The following FLG2 variants were observed in gnomAD, a reference collection of about 807,000 sequenced individuals.
The protein encoded by FLG2 is filaggrin 2.
In FLG2, 7 loss-of-function variants were observed where a neutral mutation model predicts 3.9. That is an observed-to-expected ratio of 1.79 (90% CI 1.02 to 3.36). FLG2 has a LOEUF of 3.36. FLG2 is among the 30% of genes most tolerant of loss of function. The pLI is 0.00. For synonymous variants in FLG2, 1,031 were observed against 1,056.1 expected (o/e 0.98, Z 0.46); for missense variants, 2,700 against 2,809.4 (o/e 0.96, Z 0.88).
In FLG2 at chr1:152,358,809, C is replaced by T. The variant is rs956549083; in HGVS notation, c.76G>A (p.Gly26Ser). 1 of 1,614,042 alleles carries T rather than the reference C, an allele frequency of 6.2e-7. No homozygotes were observed. Among genetic ancestry groups the T allele is most frequent in the Non-Finnish European group, 8.5e-7 (1 of 1,179,922 alleles). Reference sequence around the variant, plus strand: ...TTTAGTTCACCCTTGCTCAGTGTGCCACACTCCCCATCTTGCTTGGTGTAT... The same window carrying T: ...TTTAGTTCACCCTTGCTCAGTGTGCTACACTCCCCATCTTGCTTGGTGTAT... ...YKYTKQDGECGTLSKGELKEL... is the reference protein window; with the variant it reads ...YKYTKQDGECSTLSKGELKEL... Residue 26 changes from glycine (G) to serine (S), a missense_variant, in exon 2 of 3, where the codon GGC (glycine) becomes AGC (serine). Gly to Ser is a moderately conservative substitution (Grantham distance 56). Coordinates refer to ENST00000388718, the MANE Select transcript of FLG2 (RefSeq NM_001014342.3).
chr1:152,355,370 C>A lies in FLG2; in HGVS notation c.2416G>T (p.Gly806Cys), dbSNP rs1654170542. The A allele has an allele frequency of 1.2e-6, 2 of 1,606,516 alleles. No individual in the cohort carries two copies. The highest frequency in any genetic ancestry group is 1.7e-6 in the Non-Finnish European group (2 of 1,178,112). ...QHGSGSSQST[G>C]FGQYGSGSGQ... Reference sequence around the variant, plus strand: ...GAGCCTGATCCATATTGGCCAAAGCCAGTGGATTGACTTGAGCCTGACCCA... The same window carrying A: ...GAGCCTGATCCATATTGGCCAAAGCAAGTGGATTGACTTGAGCCTGACCCA... The change falls in exon 3 of 3, where the codon GGC becomes TGC. Residue 806 changes from glycine (G) to cysteine (C), a missense_variant. Gly to Cys is a radical substitution (Grantham distance 159, BLOSUM62 -3). Coordinates refer to ENST00000388718, the MANE Select transcript of FLG2 (RefSeq NM_001014342.3).
chr1:152,357,640 T>C lies in FLG2; in HGVS notation c.146A>G (p.Asp49Gly). ...GATGACATCCACTGTGTCTGGATCA[T>C]CTGGGTTCTGTATATGAGTGACACA... ...KELHPVLKNP[D>G]DPDTVDVIMH... is the part of the protein sequence containing the mutation. The change falls in exon 3 of 3, where the codon GAT (aspartate) becomes GGT (glycine). Residue 49 changes from aspartate to glycine, a missense_variant. By Grantham distance (94) the Asp-to-Gly change is moderately conservative. Coordinates refer to ENST00000388718, the MANE Select transcript of FLG2 (RefSeq NM_001014342.3). The C allele has an allele frequency of 6.2e-7, 1 of 1,611,210 alleles. No homozygotes were observed. The highest frequency in any genetic ancestry group is 1.1e-5 in the South Asian group (1 of 90,500).
chr1:152,353,782 G>A lies in FLG2; in HGVS notation c.4004C>T (p.Thr1335Ile). The A allele has an allele frequency of 1.2e-6, 2 of 1,613,536 alleles. No individual in the cohort carries two copies. Among genetic ancestry groups the A allele is most frequent in the East Asian group, 2.2e-5 (1 of 44,824 alleles). Reference protein sequence around the residue: ...GHSGHGQSTQTGSRTSGRQRF... With the variant: ...GHSGHGQSTQIGSRTSGRQRF... ...CTGTCTTCCAGATGTTCTGGAACCT[G>A]TCTGTGTAGACTGTCCATGACCAGA... The change falls in exon 3 of 3, where the codon ACA becomes ATA. Residue 1335 changes from threonine to isoleucine, a missense_variant. Thr to Ile is a moderately conservative substitution (Grantham distance 89). Coordinates refer to ENST00000388718, the MANE Select transcript of FLG2 (RefSeq NM_001014342.3).
Position 152,353,337 on chromosome 1 carries a change from A to G in FLG2, c.4449T>C (p.His1483=). 1.2e-6 allele frequency: 2 copies of G among 1,612,002 alleles called. No homozygotes were observed. Among genetic ancestry groups the G allele is most frequent in the Non-Finnish European group, 1.7e-6 (2 of 1,179,586 alleles). The part of the protein sequence containing the change: ...GDTTRHAHYH[H]GKSTQRGSST... Reference sequence around the variant, plus strand: ...TGGACCCTCTCTGTGTGGATTTTCCATGATGATAGTGGGCATGTCTAGTGG... The same window carrying G: ...TGGACCCTCTCTGTGTGGATTTTCCGTGATGATAGTGGGCATGTCTAGTGG... The change falls in exon 3 of 3, where the codon CAT becomes CAC. Residue 1483 remains histidine, a synonymous_variant. Transcript: ENST00000388718.
chr1:152,350,398 C>T lies in FLG2; in HGVS notation c.*212G>A, dbSNP rs2101673758. 2 of 630,484 alleles carry T rather than the reference C, an allele frequency of 3.2e-6. No individual in the cohort carries two copies. Among genetic ancestry groups the T allele is most frequent in the East Asian group, 2.9e-5 (1 of 35,044 alleles). 39.1% of individuals were successfully genotyped at this position (630,484 alleles called of 1,614,324 possible). On this transcript the variant is annotated 3_prime_UTR_variant, in exon 3 of 3. Transcript: ENST00000388718. ...TCCCTCCCTTCTGGCTGTGTTATAT[C>T]CAGGTTGAACATAGGTGTTGTTTGA...
rs1177008622 is a variant in FLG2, at chr1:152,356,621, G to A, written c.1165C>T (p.Gln389Ter). 1 of 1,614,020 alleles carries A rather than the reference G, an allele frequency of 6.2e-7. No homozygotes were observed. ...TCATGTTGACCATTACTACAAGACTGGCTACCTCCAGACCCATATTGTCCA... is the reference window on the plus strand; with the variant it reads ...TCATGTTGACCATTACTACAAGACTAGCTACCTCCAGACCCATATTGTCCA... ...CCGQYGSGGS[Q>*]SCSNGQHEYG... Residue 389 changes from glutamine to a stop codon, truncating the protein, a stop_gained, in exon 3 of 3, where the codon CAG becomes TAG. Coordinates refer to ENST00000388718, the MANE Select transcript of FLG2 (RefSeq NM_001014342.3). LOFTEE classifies it low-confidence loss of function (END_TRUNC).
Position 152,353,338 on chromosome 1 carries a change from T to G in FLG2, c.4448A>C (p.His1483Pro), listed in dbSNP as rs1038367238. The G allele has an allele frequency of 1.9e-6, 3 of 1,612,802 alleles. No individual in the cohort carries two copies. In the South Asian group the frequency reaches 3.3e-5, roughly 18 times the overall value. Residue 1483 changes from histidine (H) to proline (P), a missense_variant, in exon 3 of 3, where the codon CAT (histidine) becomes CCT (proline). Physicochemically the swap from His to Pro is moderately conservative, Grantham distance 77. Coordinates refer to ENST00000388718, the MANE Select transcript of FLG2 (RefSeq NM_001014342.3). ...GGACCCTCTCTGTGTGGATTTTCCA[T>G]GATGATAGTGGGCATGTCTAGTGGT... ...GDTTRHAHYH[H>P]GKSTQRGSST...
rs971453404 is a variant in FLG2, at chr1:152,353,429, G to A, written c.4357C>T (p.Gln1453Ter). 6.2e-7 allele frequency: 1 copy of A among 1,611,910 alleles called. No homozygotes were observed. Among genetic ancestry groups the A allele is most frequent in the Non-Finnish European group, 8.5e-7 (1 of 1,179,670 alleles). Residue 1453 changes from glutamine (Q) to a stop codon, truncating the protein, a stop_gained, in exon 3 of 3, where the codon CAA becomes TAA. Coordinates refer to ENST00000388718, the MANE Select transcript of FLG2 (RefSeq NM_001014342.3). LOFTEE classifies it low-confidence loss of function (END_TRUNC). ...ACTGTGGATCCTGACTCTCCATGTT[G>A]AGATCCGGCTTGGCCATGAGTTTGT... is the stretch of plus-strand genomic sequence containing the variant. ...QEQTHGQAGS[Q>*]HGESGSTVHG...
At position 152,354,946 on chromosome 1, in the gene FLG2, C is replaced by G. The variant is rs940582853; in HGVS notation, c.2840G>C (p.Gly947Ala). 6 of 1,612,474 alleles carry G rather than the reference C, an allele frequency of 3.7e-6. No individual in the cohort carries two copies. The highest frequency in any genetic ancestry group is 5.1e-6 in the Non-Finnish European group (6 of 1,179,590). Residue 947 changes from glycine (G) to alanine (A), a missense_variant, in exon 3 of 3, where the codon GGA becomes GCA. Physicochemically the swap from Gly to Ala is moderately conservative, Grantham distance 60 (BLOSUM62 0). Transcript: ENST00000388718. ...TGAGCCTGACCTGTGTTGTCCAAAT[C>G]CAAAAGTCTGTCCTGAACTTGACCC... ...QHGSSSGQTF[G>A]FGQHRSGSGQ... is the part of the protein sequence containing the mutation.
Position 152,350,503 on chromosome 1 carries a change from T to C in FLG2, c.*107A>G. ...AATAGGTCGAGACTGATACTGAGAA[T>C]CAACTGAATGTTCATAACTTACCAT... On this transcript the variant is annotated 3_prime_UTR_variant, in exon 3 of 3. Coordinates refer to ENST00000388718, the MANE Select transcript of FLG2 (RefSeq NM_001014342.3). 1 of 1,366,166 alleles carries C rather than the reference T, an allele frequency of 7.3e-7. No individual in the cohort carries two copies. The highest frequency in any genetic ancestry group is 1.5e-5 in the South Asian group (1 of 68,706). 84.6% of individuals were successfully genotyped at this position (1,366,166 alleles called of 1,614,324 possible). A position where few individuals can be genotyped will look rare whatever the true frequency, so the allele number is the denominator to read the frequency against.
chr1:152,354,517 C>G lies in FLG2; in HGVS notation c.3269G>C (p.Gly1090Ala), dbSNP rs1243063164. 1 of 1,614,000 alleles carries G rather than the reference C, an allele frequency of 6.2e-7. No homozygotes were observed. The highest frequency in any genetic ancestry group is 1.1e-5 in the South Asian group (1 of 91,076). Reference sequence around the variant, plus strand: ...CTGTCCTGAATTTGACCCATGTTGACCATAGCCAGATGATTGACTTGAGCC... The same window carrying G: ...CTGTCCTGAATTTGACCCATGTTGAGCATAGCCAGATGATTGACTTGAGCC... ...GSGSSQSSGY[G>A]QHGSNSGQTS... is the part of the protein sequence containing the mutation. The change falls in exon 3 of 3, where the codon GGT becomes GCT. Residue 1090 changes from glycine (G) to alanine (A), a missense_variant. By Grantham distance (60) the Gly-to-Ala change is moderately conservative (BLOSUM62 0). Transcript: ENST00000388718.
chr1:152,359,000 C>T (rs904561481), intron 1 of FLG2, 94 bp from the exon 2 acceptor site: 81 of 1,212,824 alleles, frequency 6.7e-5, no homozygotes, highest in Admixed American at 5.5e-5. Flanking sequence ...TTTTTTTAAC[C>T]TCTTGTTTTT....
At position 152,354,349 on chromosome 1, in the gene FLG2, T is replaced by C. The variant is rs1466931367; in HGVS notation, c.3437A>G (p.Tyr1146Cys). ...GKSSGFAQHE[Y>C]RSGQSSYGQH... ...GCCATAGCTAGACTGACCTGATCTG[T>C]ACTCATGCTGTGCAAAGCCAGAGGA... Residue 1146 changes from tyrosine to cysteine, a missense_variant, in exon 3 of 3, where the codon TAC becomes TGC. Transcript: ENST00000388718. The C allele has an allele frequency of 3.7e-6, 6 of 1,613,490 alleles. No individual in the cohort carries two copies. Among genetic ancestry groups the C allele is most frequent in the Non-Finnish European group, 5.1e-6 (6 of 1,179,860 alleles).
At chr1:152,358,596 T>C (rs1258354815) in intron 2 of FLG2, 151 bp downstream of exon 2, 5 of 661,436 alleles carry the variant, frequency 7.6e-6, no homozygotes, top group Non-Finnish European at 1.2e-5. Flanking sequence ...AAATATCTGC[T>C]GCTTTAACAG....
rs764254622 is a variant in FLG2 at position 152,352,063 on chromosome 1, TG to T, written c.5722del (p.His1908MetfsTer494). On this transcript the variant is annotated frameshift_variant, in exon 3 of 3. Transcript: ENST00000388718. LOFTEE classifies it low-confidence loss of function (END_TRUNC). ...GHTHSQARSQ[H>X]GESESTVHKR... is the part of the protein sequence containing the mutation. ...GTGAACTGTGGATTCTGACTCTCCA[TG>T]TTGAGACCTGGCTTGGCTGTGTGTG... 2 of 1,613,792 alleles carry T rather than the reference TG, an allele frequency of 1.2e-6. No individual in the cohort carries two copies. The highest frequency in any genetic ancestry group is 2.7e-5 in the African/African-American group (2 of 74,898).
In FLG2 at chr1:152,352,071, C is replaced by A. The variant is rs941729804; in HGVS notation, c.5715G>T (p.Arg1905Ser). The change falls in exon 3 of 3, where the codon AGG (arginine) becomes AGT (serine). Residue 1905 changes from arginine (R) to serine (S), a missense_variant. Transcript: ENST00000388718. Reference protein sequence around the residue: ...THSGHTHSQARSQHGESESTV... With the variant: ...THSGHTHSQASSQHGESESTV... The stretch of plus-strand genomic sequence containing the variant: ...TGGATTCTGACTCTCCATGTTGAGA[C>A]CTGGCTTGGCTGTGTGTGTGTCCTG... The A allele has an allele frequency of 6.3e-7, 1 of 1,595,172 alleles. No individual in the cohort carries two copies. Among genetic ancestry groups the A allele is most frequent in the Non-Finnish European group, 8.5e-7 (1 of 1,172,460 alleles).
Position 152,351,414 on chromosome 1 carries a change from G to A in FLG2, c.6372C>T (p.His2124=), listed in dbSNP as rs776022462. The change falls in exon 3 of 3, where the codon CAC becomes CAT. Residue 2124 remains histidine (H), a synonymous_variant. Coordinates refer to ENST00000388718, the MANE Select transcript of FLG2 (RefSeq NM_001014342.3). ...HSGVSHTHSG[H]TYGQARSQHG... is the part of the protein sequence containing the mutation. ...GTTGAGATCTGGCTTGGCCATAAGT[G>A]TGTCCTGAATGTGTGTGTGAGACCC... The A allele has an allele frequency of 1.9e-6, 3 of 1,613,388 alleles. No homozygotes were observed. The highest frequency in any genetic ancestry group is 2.5e-6 in the Non-Finnish European group (3 of 1,179,852).
rs780182557 is a variant in FLG2 at position 152,352,988 on chromosome 1, C to T, written c.4798G>A (p.Gly1600Ser). Residue 1600 changes from glycine to serine, a missense_variant, in exon 3 of 3, where the codon GGC becomes AGC. Coordinates refer to ENST00000388718, the MANE Select transcript of FLG2 (RefSeq NM_001014342.3). The part of the protein sequence containing the change: ...HRPHSREHTY[G>S]QAGSQHEEPE... ...TCTTCATGTTGAGATCCGGCTTGGC[C>T]GTAAGTGTGTTCTCGTGAGTGTGGT... is the stretch of plus-strand genomic sequence containing the variant. 54 of 1,613,084 alleles carry T rather than the reference C, an allele frequency of 3.3e-5. No individual in the cohort carries two copies. Among genetic ancestry groups the T allele is most frequent in the Middle Eastern group, 1.6e-4 (1 of 6,084 alleles).
rs754171360 is a variant in FLG2 at position 152,352,486 on chromosome 1, T to G, written c.5300A>C (p.His1767Pro). ...GESESIVHERHGTIHGQTGDT... is the reference protein window; with the variant it reads ...GESESIVHERPGTIHGQTGDT... ...GCCTGTCTGTCCATGTATAGTTCCATGTCTCTCATGAACTATGGATTCTGA... is the reference window on the plus strand; with the variant it reads ...GCCTGTCTGTCCATGTATAGTTCCAGGTCTCTCATGAACTATGGATTCTGA... The change falls in exon 3 of 3, where the codon CAT becomes CCT. Residue 1767 changes from histidine (H) to proline (P), a missense_variant. By Grantham distance (77) the His-to-Pro change is moderately conservative (BLOSUM62 -2). Coordinates refer to ENST00000388718, the MANE Select transcript of FLG2 (RefSeq NM_001014342.3). 1 of 1,613,326 alleles carries G rather than the reference T, an allele frequency of 6.2e-7. No individual in the cohort carries two copies. The highest frequency in any genetic ancestry group is 8.5e-7 in the Non-Finnish European group (1 of 1,179,742).
Sources: allele counts gnomAD v4.1 joint callset, GRCh38; gene constraint gnomAD v4.1.1; transcripts MANE v1.5; gene names NCBI Gene and HGNC (gene_info 2026-07-23, HGNC 2026-07-21).